Variants in CEP170 observed in about 807,000 individuals in gnomAD.
CEP170 encodes the protein centrosomal protein of 170 kDa.
A neutral mutation model predicts 151.9 loss-of-function variants in CEP170; 21 were observed. The observed-to-expected ratio is 0.14, with a 90% CI of 0.10 to 0.20. CEP170 has a LOEUF of 0.20. Among genes scored for constraint, CEP170 ranks in the 10% least tolerant of loss-of-function variants. CEP170 has a pLI of 1.00. For synonymous variants in CEP170, 356 were observed against 648.8 expected, an observed-to-expected ratio of 0.55 and a Z score of 6.86; for missense variants, 964 against 1,892.9, an observed-to-expected ratio of 0.51 and a Z score of 9.11.
chr1:243,220,666 G>T (rs2062717325), intron 3 of CEP170, among the ~76,000 whole-genome samples: 1 of 152,146 alleles, frequency 6.6e-6, no homozygotes, highest in Non-Finnish European at 1.5e-5. Context: ...ACTTATTTCT[G>T]TTAAATTCAT....
intron 17 of CEP170, among the ~76,000 whole-genome samples, chr1:243,130,491 A>C (rs1352075565): frequency 6.6e-6 from 1 of 152,184 alleles, no homozygotes; most frequent in African/African-American, 2.4e-5. Context: ...CGTGTCTTTC[A>C]AATGTGGGAC....
intron 3 of CEP170, among the ~76,000 whole-genome samples, chr1:243,216,021 G>T (rs1051011983): frequency 4.6e-5 from 7 of 151,428 alleles, no homozygotes; most frequent in Non-Finnish European, 1.0e-4. Flanking sequence ...AGATACAGAT[G>T]GTAAATGGTG....
intron 6 of CEP170, among the ~76,000 whole-genome samples, chr1:243,199,714 G>C (rs1379961732): frequency 1.3e-5 from 2 of 150,942 alleles, no homozygotes; most frequent in Non-Finnish European, 3.0e-5. Context: ...GTTCTTAACA[G>C]AACTAACATT....
chr1:243,233,499 C>T (rs536192196), intron 1 of CEP170, among the ~76,000 whole-genome samples: 11 of 151,824 alleles, frequency 7.2e-5, no homozygotes, highest in Admixed American at 3.3e-4. Flanking sequence ...TTTGGGAGGC[C>T]GAGGCGGGCA....
rs950318278 is a variant in CEP170 at position 243,142,788 on chromosome 1, A to C, written c.3912-325T>G. ...GTCTTAAACTTGGGGAATAATGGAT[A>C]GAATTCAAGCAGTTCATGAACTTAA... On this transcript the variant is annotated intron_variant, in intron 14 of 19. Transcript: ENST00000366542. 1.9e-4 allele frequency among the ~76,000 whole-genome samples: 29 copies of C among 152,348 alleles called. 1 individual carries two copies. Among genetic ancestry groups the C allele is most frequent in the African/African-American group, 6.7e-4 (28 of 41,580 alleles).
chr1:243,233,909 G>A (rs1244315936), intron 1 of CEP170, among the ~76,000 whole-genome samples: 1 of 151,834 alleles, frequency 6.6e-6, no homozygotes, highest in Non-Finnish European at 1.5e-5. Context: ...AGTATAACAA[G>A]AGAACTACAA....
At position 243,185,735 on chromosome 1, in the gene CEP170, C is replaced by T. The variant is rs767027355; in HGVS notation, c.1566+44G>A. 35 of 1,534,804 alleles carry T rather than the reference C, an allele frequency of 2.3e-5. No homozygotes were observed. Among genetic ancestry groups the T allele is most frequent in the Non-Finnish European group, 2.9e-5 (33 of 1,143,602 alleles). On this transcript the variant is annotated intron_variant, in intron 10 of 19. Coordinates refer to ENST00000366542, the MANE Select transcript of CEP170 (RefSeq NM_014812.3). The surrounding 1 kb of genome is among the most constrained non-coding windows in gnomAD (Gnocchi z 4.9). ...TCCAATAATTTCCACCAGTCAAATA[C>T]ACCACACAACAACTAAGATCACACT...
chr1:243,206,673 T>C (rs2061440819), intron 4 of CEP170, among the ~76,000 whole-genome samples: 1 of 152,330 alleles, frequency 6.6e-6, no homozygotes, highest in African/African-American at 2.4e-5. Flanking sequence ...AAAATATGTA[T>C]TTTAAGATTT....
At chr1:243,144,321 C>T (rs548019558) in intron 14 of CEP170, among the ~76,000 whole-genome samples, 169 of 152,302 alleles carry the variant, frequency 1.1e-3, no homozygotes, top group Non-Finnish European at 1.7e-3. Context: ...AGAAGACATG[C>T]GACCATTTTT....
chr1:243,243,815 C>G (rs571924388), intron 1 of CEP170, among the ~76,000 whole-genome samples: 1 of 152,122 alleles, frequency 6.6e-6, no homozygotes, highest in South Asian at 2.1e-4. Context: ...CAGGAGCCAC[C>G]ACGCCCGTCC....
At position 243,185,430 on chromosome 1, in the gene CEP170, T is replaced by G. The variant is rs1204937521; in HGVS notation, c.1566+349A>C. Among the ~76,000 whole-genome samples, 1 of 152,240 alleles carries G rather than the reference T, an allele frequency of 6.6e-6. No homozygotes were observed. Among genetic ancestry groups the G allele is most frequent in the African/African-American group, 2.4e-5 (1 of 41,468 alleles). Reference sequence around the variant, plus strand: ...ATCTACATTTATGTTAACAGAGTTATAGCAATGTTTGTTGGTTGTTTCTTT... The same window carrying G: ...ATCTACATTTATGTTAACAGAGTTAGAGCAATGTTTGTTGGTTGTTTCTTT... On this transcript the variant is annotated intron_variant, in intron 10 of 19. Transcript: ENST00000366542. The surrounding 1 kb of genome is among the most constrained non-coding windows in gnomAD (Gnocchi z 4.9).
At chr1:243,247,629 C>T (rs1179975278) in intron 1 of CEP170, among the ~76,000 whole-genome samples, 4 of 152,222 alleles carry the variant, frequency 2.6e-5, no homozygotes, top group African/African-American at 9.6e-5. Context: ...GCTGGGACTA[C>T]AGGCGTGAGC....
chr1:243,135,110 G>A (rs1362737736), intron 17 of CEP170, among the ~76,000 whole-genome samples: 1 of 152,144 alleles, frequency 6.6e-6, no homozygotes, highest in Non-Finnish European at 1.5e-5. Flanking sequence ...ACAAGACGGT[G>A]CAGAATACAT....
In CEP170 at chr1:243,238,911, C is replaced by T. The variant is rs149980717; in HGVS notation, c.-41-13590G>A. The stretch of plus-strand genomic sequence containing the variant: ...GACCATTCTTGCCTTCTACAAGTAT[C>T]AGTCTGCTTTCCTCTCACTTCTGTG... On this transcript the variant is annotated intron_variant, in intron 1 of 19. Coordinates refer to ENST00000366542, the MANE Select transcript of CEP170 (RefSeq NM_014812.3). Among the ~76,000 whole-genome samples, 490 of 152,304 alleles carry T rather than the reference C, an allele frequency of 3.2e-3. 1 individual carries two copies. The highest frequency in any genetic ancestry group is 0.01 in the Middle Eastern group (3 of 294).
chr1:243,129,807 G>C (rs1380726773), intron 17 of CEP170, among the ~76,000 whole-genome samples: 2 of 151,660 alleles, frequency 1.3e-5, no homozygotes, highest in African/African-American at 4.8e-5. Context: ...CATGGTTTTA[G>C]TTAGTGGCAG....
At chr1:243,248,452 T>C (rs1164959502) in intron 1 of CEP170, among the ~76,000 whole-genome samples, 1 of 152,202 alleles carries the variant, frequency 6.6e-6, no homozygotes, top group Non-Finnish European at 1.5e-5. Context: ...TCCCTTTAAG[T>C]CTACTGGTGA....
chr1:243,166,313 T>C (rs1235024911), intron 12 of CEP170, among the ~76,000 whole-genome samples, 197 bp from the exon 13 acceptor site: 2 of 152,162 alleles, frequency 1.3e-5, no homozygotes, highest in African/African-American at 4.8e-5. Context: ...ACTCACACCC[T>C]CCCATATACT....
At position 243,135,362 on chromosome 1, in the gene CEP170, A is replaced by G. The variant is rs1291020257; in HGVS notation, c.4319+781T>C. On this transcript the variant is annotated intron_variant, in intron 17 of 19. Transcript: ENST00000366542. ...ACTGGGACTACAGGCGCCCGCCACC[A>G]CGCCCGGCTAATTTTTTTGAATTTT... 9.9e-5 allele frequency among the ~76,000 whole-genome samples: 15 copies of G among 152,046 alleles called. No homozygotes were observed. In the East Asian group the frequency reaches 2.7e-3, roughly 27 times the overall value.
chr1:243,236,330 T>C (rs774321701), intron 1 of CEP170, among the ~76,000 whole-genome samples: 30 of 152,236 alleles, frequency 2.0e-4, no homozygotes, highest in Middle Eastern at 3.2e-3. Context: ...TGCAGGTGAT[T>C]CTGCCAGTCT....
Sources: allele counts gnomAD v4.1 joint callset (sites outside exome capture counted in the v4.1 genomes callset), GRCh38; gene constraint gnomAD v4.1.1; non-coding constraint Gnocchi (gnomAD v3.1); transcripts MANE v1.5; gene names NCBI Gene and HGNC (gene_info 2026-07-23, HGNC 2026-07-21).